The following TGIF1 variants were observed in gnomAD, a reference collection of about 807,000 sequenced individuals.
TGIF1 encodes the protein homeobox protein TGIF1.
A neutral mutation model predicts 19.3 loss-of-function variants in TGIF1; 4 were observed. The observed-to-expected ratio is 0.21, with a 90% CI of 0.10 to 0.47. The LOEUF (loss-of-function observed/expected upper bound fraction) is 0.47, where lower values mean the gene tolerates loss of function less well. TGIF1 is among the 20% of genes least tolerant of loss of function. TGIF1 has a pLI of 0.98. For synonymous variants in TGIF1, 122 were observed against 129.3 expected, an observed-to-expected ratio of 0.94 and a Z score of 0.38; for missense variants, 275 against 341.4, an observed-to-expected ratio of 0.81 and a Z score of 1.53.
intron 2 of TGIF1, among the ~76,000 whole-genome samples, chr18:3,434,607 C>T (rs951259319): frequency 2.0e-5 from 3 of 150,330 alleles, no homozygotes; most frequent in East Asian, 2.0e-4. Flanking sequence ...CCCAGCTACT[C>T]GGGAGGCTGA....
upstream of TGIF1, chr18:3,448,369 G>T (rs1159860894): frequency 5.0e-6 from 5 of 1,007,424 alleles, no homozygotes; most frequent in Admixed American, 2.6e-4. Flanking sequence ...CCCCTCTAAC[G>T]GGCGGCGGGG....
At chr18:3,448,184 A>G (rs2082782661), upstream of TGIF1, 2 of 983,588 alleles carry the variant, frequency 2.0e-6, no homozygotes, top group Non-Finnish European at 1.2e-6. Context: ...GCGTCTCCCC[A>G]GTAACCGCCC....
At chr18:3,420,392 AT>A (rs1436996187) in intron 2 of TGIF1, among the ~76,000 whole-genome samples, 10 of 152,280 alleles carry the variant, frequency 6.6e-5, no homozygotes, top group African/African-American at 2.2e-4. Context: ...CAAAAAAAAA[AT>A]AATATTAATA....
chr18:3,449,751 G>A (rs1356816482), upstream of TGIF1: 3 of 985,516 alleles, frequency 3.0e-6, no homozygotes, highest in Non-Finnish European at 3.6e-6. Context: ...AGTAGAGTTC[G>A]GGGCAGCTGT....
In TGIF1 at chr18:3,450,276, G is replaced by T; in HGVS notation, c.-214G>T. ...GAGAGCCCCCGGCCGGCTGCCAGAA[G>T]ATCCCGGCGGGAGGAAGCCCAAGTG... On this transcript the variant is annotated 5_prime_UTR_variant, in exon 1 of 3. Transcript: ENST00000343820. 3.5e-6 allele frequency: 5 copies of T among 1,434,412 alleles called. No homozygotes were observed. The highest frequency in any genetic ancestry group is 4.6e-6 in the Non-Finnish European group (5 of 1,096,856). 88.9% of individuals were successfully genotyped at this position (1,434,412 alleles called of 1,614,324 possible).
At chr18:3,448,498 G>A (rs553598107), upstream of TGIF1, 577 of 990,060 alleles carry the variant, frequency 5.8e-4, 1 homozygote, top group Non-Finnish European at 6.4e-4. Flanking sequence ...GTCCGGGCGG[G>A]TGGCTTGTCC....
upstream of TGIF1, chr18:3,449,403 A>G (rs2082826383): frequency 1.0e-6 from 1 of 985,106 alleles, no homozygotes; most frequent in South Asian, 4.7e-5. Flanking sequence ...CCGGGCAGAG[A>G]CGTTTAAAGA....
chr18:3,440,796 T>C (rs2082670881), intron 2 of TGIF1, among the ~76,000 whole-genome samples: 1 of 152,212 alleles, frequency 6.6e-6, no homozygotes, highest in South Asian at 2.1e-4. Flanking sequence ...GGATGTAGGC[T>C]CCCTGAGTCA....
rs1442067781 is a variant in TGIF1, at chr18:3,451,818, A to G, written c.16+1313A>G. On this transcript the variant is annotated intron_variant, in intron 1 of 2. Coordinates refer to ENST00000343820, the MANE Select transcript of TGIF1 (RefSeq NM_003244.4). The surrounding 1 kb of genome is among the most constrained non-coding windows in gnomAD (Gnocchi z 5.4). The stretch of plus-strand genomic sequence containing the variant: ...CCCCTCCCCGCGGGACGGAGGGAGG[A>G]CTCGGGACAGGGAATTGGCCCTGGG... 2.8e-5 allele frequency: 37 copies of G among 1,318,158 alleles called. No homozygotes were observed. The highest frequency in any genetic ancestry group is 3.6e-5 in the Admixed American group (1 of 27,914). The allele number at this position is 1,318,158 out of a possible 1,614,324, so 81.7% of individuals were successfully genotyped here. A position where few individuals can be genotyped will look rare whatever the true frequency, so the allele number is the denominator to read the frequency against.
chr18:3,451,054 T>C lies in TGIF1; in HGVS notation c.16+549T>C, dbSNP rs1365611663. 2.1e-5 allele frequency among the ~76,000 whole-genome samples: 3 copies of C among 143,514 alleles called. No individual in the cohort carries two copies. Among genetic ancestry groups the C allele is most frequent in the Non-Finnish European group, 3.0e-5 (2 of 67,116 alleles). 94.2% of individuals were successfully genotyped at this position (143,514 alleles called of 152,430 possible). A position where few individuals can be genotyped will look rare whatever the true frequency, so the allele number is the denominator to read the frequency against. On this transcript the variant is annotated intron_variant, in intron 1 of 2. Coordinates refer to ENST00000343820, the MANE Select transcript of TGIF1 (RefSeq NM_003244.4). This position sits in a 1 kb window ranked among gnomAD's most constrained non-coding sequence, Gnocchi z 5.4. ...TGTGGTGTTTTTACGATCGAAGGAA[T>C]GCGATTCTGGACCCCCTCATCGCCC...
upstream of TGIF1, chr18:3,447,964 C>G (rs1260412372): frequency 6.7e-6 from 6 of 895,558 alleles, no homozygotes; most frequent in South Asian, 5.1e-5. Context: ...GCCAAGTCCA[C>G]TTGGACGAAA....
At chr18:3,443,132 C>T (rs1318077208) in intron 2 of TGIF1, among the ~76,000 whole-genome samples, 1 of 152,200 alleles carries the variant, frequency 6.6e-6, no homozygotes, top group Non-Finnish European at 1.5e-5. Flanking sequence ...GGTTCATTAT[C>T]AGTATGCCCC....
intron 2 of TGIF1, among the ~76,000 whole-genome samples, chr18:3,433,927 G>A (rs1394109264): frequency 6.6e-6 from 1 of 152,186 alleles, no homozygotes; most frequent in Non-Finnish European, 1.5e-5. Flanking sequence ...AAAAGTAAAT[G>A]AGGGTTCACA....
intron 2 of TGIF1, among the ~76,000 whole-genome samples, chr18:3,432,997 C>G (rs997329590): frequency 2.0e-5 from 3 of 151,738 alleles, no homozygotes; most frequent in Non-Finnish European, 4.4e-5. Flanking sequence ...GACCTCAGGT[C>G]ATCCGCCCGG....
intron 2 of TGIF1, among the ~76,000 whole-genome samples, chr18:3,437,649 G>A (rs993403895): frequency 6.6e-6 from 1 of 152,158 alleles, no homozygotes; most frequent in Non-Finnish European, 1.5e-5. Context: ...AAAGCTACAC[G>A]GAAGGGCTTG....
chr18:3,434,427 T>C (rs773425464), intron 2 of TGIF1, among the ~76,000 whole-genome samples: 7 of 152,154 alleles, frequency 4.6e-5, no homozygotes, highest in Non-Finnish European at 1.0e-4. Flanking sequence ...TCCCAGCTAC[T>C]TGGGAGGCTG....
intron 2 of TGIF1, among the ~76,000 whole-genome samples, chr18:3,444,093 G>A (rs2143249143): frequency 6.6e-6 from 1 of 151,498 alleles, no homozygotes; most frequent in African/African-American, 2.4e-5. Flanking sequence ...TGCCACCACT[G>A]TGCCACCATG....
Position 3,451,864 on chromosome 18 carries a change from CCGAG to C in TGIF1, c.16+1360_16+1363del. On this transcript the variant is annotated intron_variant, in intron 1 of 2. Coordinates refer to ENST00000343820, the MANE Select transcript of TGIF1 (RefSeq NM_003244.4). This position sits in a 1 kb window ranked among gnomAD's most constrained non-coding sequence, Gnocchi z 5.4. ...CTGGGAGAAAACGCGCGGGGGGCGT[CCGAG>C]ACGCCCCGTGAAAGCCGTGCCGACC... 7.1e-7 allele frequency: 1 copy of C among 1,414,768 alleles called. No homozygotes were observed. 87.6% of individuals were successfully genotyped at this position (1,414,768 alleles called of 1,614,324 possible). A position where few individuals can be genotyped will look rare whatever the true frequency, so the allele number is the denominator to read the frequency against.
intron 2 of TGIF1, among the ~76,000 whole-genome samples, chr18:3,436,313 T>G (rs1598874720): frequency 6.6e-6 from 1 of 152,302 alleles, no homozygotes; most frequent in East Asian, 1.9e-4. Context: ...CTAAAAACAG[T>G]GAAGAGCCAT....
Sources: gnomAD v4.1 joint callset for allele counts (sites outside exome capture counted in the v4.1 genomes callset) on GRCh38, gnomAD v4.1.1 for gene constraint, Gnocchi (gnomAD v3.1) non-coding constraint, MANE v1.5 for transcripts, NCBI Gene and HGNC (gene_info 2026-07-23, HGNC 2026-07-21) for gene names.